The following CCDC85A variants were observed in gnomAD, a reference collection of about 807,000 sequenced individuals.
CCDC85A encodes the protein coiled-coil domain-containing protein 85A.
In CCDC85A, 38 loss-of-function variants were observed where a neutral mutation model predicts 50.2. The observed-to-expected ratio is 0.76, with a 90% confidence interval of 0.58 to 0.99. CCDC85A has a LOEUF of 0.99. CCDC85A is among the 50% of genes least tolerant of loss of function. The pLI, the probability that CCDC85A is intolerant of heterozygous loss-of-function variation, is 0.00. For synonymous variants in CCDC85A, 366 were observed against 301.4 expected, an observed-to-expected ratio of 1.21 and a Z score of -2.22; for missense variants, 820 against 742.0, an observed-to-expected ratio of 1.11 and a Z score of -1.22.
intron 3 of CCDC85A, among the ~76,000 whole-genome samples, chr2:56,354,117 G>A (rs1196094737): frequency 6.6e-6 from 1 of 152,214 alleles, no homozygotes; most frequent in East Asian, 1.9e-4. Context: ...AAGGAGGCAT[G>A]ACATTTCACA....
chr2:56,334,446 A>G (rs911181127), intron 2 of CCDC85A, among the ~76,000 whole-genome samples: 2 of 152,260 alleles, frequency 1.3e-5, no homozygotes, highest in African/African-American at 4.8e-5. Context: ...AATTGAAAAC[A>G]ACACTATGAG....
intron 2 of CCDC85A, among the ~76,000 whole-genome samples, chr2:56,300,283 A>G (rs543429288): frequency 2.8e-4 from 42 of 152,354 alleles, no homozygotes; most frequent in Middle Eastern, 6.8e-3. Flanking sequence ...ACCATGTATC[A>G]TGCAAAGTAG....
chr2:56,271,473 T>C (rs899757091), intron 2 of CCDC85A, among the ~76,000 whole-genome samples: 2 of 152,160 alleles, frequency 1.3e-5, no homozygotes, highest in Non-Finnish European at 1.5e-5. Context: ...TCTTGTGTTA[T>C]GCAAGCTGCT....
intron 2 of CCDC85A, 30 bp downstream of exon 2, chr2:56,193,470 G>C (rs548105160): frequency 6.4e-7 from 1 of 1,556,304 alleles, no homozygotes; most frequent in South Asian, 1.2e-5. Context: ...GGTGCTGCTT[G>C]GGCTGGGGAA....
chr2:56,347,261 T>C (rs1022974826), intron 3 of CCDC85A, among the ~76,000 whole-genome samples: 1 of 152,184 alleles, frequency 6.6e-6, no homozygotes, highest in Non-Finnish European at 1.5e-5. Context: ...AGGAGCGTCC[T>C]CCTGTCAGGC....
chr2:56,205,302 T>C (rs917158322), intron 2 of CCDC85A, among the ~76,000 whole-genome samples: 2 of 152,128 alleles, frequency 1.3e-5, no homozygotes, highest in African/African-American at 2.4e-5. Context: ...GTTTTGATGA[T>C]TTTTTCCTGG....
intron 3 of CCDC85A, among the ~76,000 whole-genome samples, chr2:56,359,806 C>A (rs1490428381): frequency 1.3e-5 from 2 of 152,130 alleles, no homozygotes; most frequent in African/African-American, 2.4e-5. Flanking sequence ...TGATCTTTGT[C>A]ATATATGTGG....
At chr2:56,332,568 G>T (rs1205401503) in intron 2 of CCDC85A, among the ~76,000 whole-genome samples, 1 of 151,946 alleles carries the variant, frequency 6.6e-6, no homozygotes, top group Non-Finnish European at 1.5e-5. Flanking sequence ...ATTTTGGAGG[G>T]ACACAACACT....
chr2:56,365,295 G>A (rs563417094), intron 3 of CCDC85A, among the ~76,000 whole-genome samples: 1 of 152,304 alleles, frequency 6.6e-6, no homozygotes, highest in East Asian at 1.9e-4. Flanking sequence ...TATTAGGATA[G>A]ATACACATTT....
chr2:56,189,295 G>GTTTTTTTTTTTTTTTTT (rs773078371), intron 1 of CCDC85A, among the ~76,000 whole-genome samples: 1 of 100,440 alleles, frequency 1.0e-5, no homozygotes, highest in Non-Finnish European at 2.0e-5. Flanking sequence ...GGTATTTTTG[G>GTTTTTTTTTTTTTTTTT]TGTTTTTTTT....
chr2:56,186,582 A>G (rs1676057536), intron 1 of CCDC85A, among the ~76,000 whole-genome samples: 1 of 152,178 alleles, frequency 6.6e-6, no homozygotes, highest in Non-Finnish European at 1.5e-5. Context: ...TCATCCTCTA[A>G]TTTGAGTTTC....
Position 56,184,838 on chromosome 2 carries a change from A to C in CCDC85A, c.214A>C (p.Asn72His). 6.5e-7 allele frequency: 1 copy of C among 1,541,642 alleles called. No homozygotes were observed. ...EKVSAMLDHS[N>H]LIREVNRRLQ... Reference sequence around the variant, plus strand: ...GGTGAGCGCGATGCTGGACCACAGCAACCTCATCCGCGAGGTGAACCGCCG... The same window carrying C: ...GGTGAGCGCGATGCTGGACCACAGCCACCTCATCCGCGAGGTGAACCGCCG... The change falls in exon 1 of 6, where the codon AAC (asparagine) becomes CAC (histidine). Residue 72 changes from asparagine to histidine, a missense_variant. Coordinates refer to ENST00000407595, the MANE Select transcript of CCDC85A (RefSeq NM_001080433.2).
intron 2 of CCDC85A, among the ~76,000 whole-genome samples, chr2:56,297,864 A>G (rs1178153509): frequency 1.3e-5 from 2 of 150,148 alleles, no homozygotes; most frequent in Non-Finnish European, 2.9e-5. Context: ...GCTTGGCACC[A>G]ACCACTTGGC....
At chr2:56,195,004 T>C (rs553242254) in intron 2 of CCDC85A, among the ~76,000 whole-genome samples, 1 of 152,310 alleles carries the variant, frequency 6.6e-6, no homozygotes, top group East Asian at 1.9e-4. Flanking sequence ...GAGGGGATAG[T>C]GGAGTAATGG....
At chr2:56,221,144 G>C (rs548944488) in intron 2 of CCDC85A, among the ~76,000 whole-genome samples, 4 of 151,972 alleles carry the variant, frequency 2.6e-5, no homozygotes, top group Non-Finnish European at 2.9e-5. Flanking sequence ...GATTAGCCAC[G>C]TAGAACTGTC....
intron 3 of CCDC85A, among the ~76,000 whole-genome samples, chr2:56,357,292 A>T (rs1232327851): frequency 6.6e-6 from 1 of 152,112 alleles, no homozygotes; most frequent in African/African-American, 2.4e-5. Flanking sequence ...TTAAGTACCC[A>T]CTATGCTCAG....
intron 1 of CCDC85A, among the ~76,000 whole-genome samples, chr2:56,188,513 G>A (rs528182574): frequency 3.9e-5 from 6 of 152,254 alleles, no homozygotes; most frequent in African/African-American, 1.4e-4. Flanking sequence ...ATAGTCAAAG[G>A]GAAGTATTTT....
At chr2:56,345,271 G>C (rs769818237) in intron 3 of CCDC85A, among the ~76,000 whole-genome samples, 1 of 152,126 alleles carries the variant, frequency 6.6e-6, no homozygotes. Context: ...ATTGATGTGG[G>C]ATGCACCATC....
At chr2:56,277,661 T>C (rs1468631246) in intron 2 of CCDC85A, among the ~76,000 whole-genome samples, 1 of 152,234 alleles carries the variant, frequency 6.6e-6, no homozygotes, top group East Asian at 1.9e-4. Context: ...TATTCCTTCC[T>C]CTAACATTTC....
Sources: allele counts gnomAD v4.1 joint callset (sites outside exome capture counted in the v4.1 genomes callset), GRCh38; gene constraint gnomAD v4.1.1; transcripts MANE v1.5; gene names NCBI Gene and HGNC (gene_info 2026-07-23, HGNC 2026-07-21).